Variants in SCAI observed in about 807,000 individuals in gnomAD.
The protein encoded by SCAI is protein SCAI.
SCAI carries 24 observed loss-of-function variants against 92.2 expected under a neutral mutation model. The ratio of observed to expected loss-of-function variants is 0.26; its 90% CI spans 0.19 to 0.37. The LOEUF (loss-of-function observed/expected upper bound fraction) is 0.37, where lower values mean the gene tolerates loss of function less well. SCAI is among the 10% of genes least tolerant of loss of function. SCAI has a pLI of 1.00. For missense variants in SCAI, 450 were observed against 736.2 expected (o/e 0.61, Z 4.50); for synonymous variants, 261 against 258.6 (o/e 1.01, Z -0.09).
chr9:125,007,884 C>T (rs1359023633), intron 9 of SCAI, among the ~76,000 whole-genome samples: 6 of 151,532 alleles, frequency 4.0e-5, no homozygotes, highest in African/African-American at 9.7e-5. Context: ...CTCGCTCTGT[C>T]GCCCAGGCTG....
chr9:124,983,396 C>G (rs1423025012), intron 14 of SCAI, among the ~76,000 whole-genome samples: 1 of 152,006 alleles, frequency 6.6e-6, no homozygotes, highest in Non-Finnish European at 1.5e-5. Flanking sequence ...CTCTGTTGCC[C>G]AGGCTGGAGT....
At chr9:125,108,582 G>A (rs1216555334) in intron 2 of SCAI, among the ~76,000 whole-genome samples, 1 of 144,464 alleles carries the variant, frequency 6.9e-6, no homozygotes, top group Non-Finnish European at 1.5e-5. Flanking sequence ...GAAGTGAGGA[G>A]CCCCTCCGCC....
At chr9:125,109,834 G>A (rs1236876667) in intron 2 of SCAI, among the ~76,000 whole-genome samples, 2 of 152,034 alleles carry the variant, frequency 1.3e-5, no homozygotes, top group Admixed American at 6.5e-5. Flanking sequence ...TTACAGGCAC[G>A]CACCACCACG....
intron 17 of SCAI, among the ~76,000 whole-genome samples, chr9:124,960,422 C>T (rs1407048768): frequency 2.0e-5 from 3 of 152,134 alleles, no homozygotes; most frequent in Admixed American, 6.6e-5. Context: ...GTACAACTGC[C>T]ATGTATTCAT....
intron 2 of SCAI, among the ~76,000 whole-genome samples, chr9:125,110,480 A>C (rs1458733581): frequency 6.6e-6 from 1 of 152,194 alleles, no homozygotes; most frequent in Non-Finnish European, 1.5e-5. Context: ...TTGCATCTGT[A>C]TCCCTGACCA....
chr9:125,088,820 C>G (rs753578015), intron 2 of SCAI, among the ~76,000 whole-genome samples: 1 of 151,818 alleles, frequency 6.6e-6, no homozygotes, highest in Non-Finnish European at 1.5e-5. Flanking sequence ...TTGAAAACTC[C>G]CTAACATAGA....
intron 14 of SCAI, among the ~76,000 whole-genome samples, chr9:124,989,007 C>T (rs566487943): frequency 4.6e-5 from 7 of 152,088 alleles, no homozygotes; most frequent in African/African-American, 1.7e-4. Flanking sequence ...GGTGTGGTAG[C>T]GCATGCCTGT....
chr9:124,994,572 G>A (rs1832201209), intron 14 of SCAI, among the ~76,000 whole-genome samples: 2 of 152,096 alleles, frequency 1.3e-5, no homozygotes, highest in Non-Finnish European at 2.9e-5. Context: ...GCATGAGAAG[G>A]GGAAACGTTT....
chr9:125,013,039 G>C (rs984888892), intron 9 of SCAI, among the ~76,000 whole-genome samples: 5 of 152,000 alleles, frequency 3.3e-5, no homozygotes, highest in African/African-American at 9.7e-5. Flanking sequence ...AGTGTGTAGA[G>C]GGAAATTTAT....
In SCAI at chr9:124,945,262, G is replaced by T. The variant is rs1024706703; in HGVS notation, c.*7545C>A. The T allele has an allele frequency of 1.3e-5, 2 of 152,198 alleles. No individual in the cohort carries two copies. The highest frequency in any genetic ancestry group is 1.3e-4 in the Admixed American group (2 of 15,268). The allele number at this position is 152,198 out of a possible 1,614,324, so 9.4% of individuals were successfully genotyped here. ...AAAGTAGTCTGATAACTATTAAAAAGAATTTTTTTTAGGCCGGCCACAGTG... is the reference window on the plus strand; with the variant it reads ...AAAGTAGTCTGATAACTATTAAAAATAATTTTTTTTAGGCCGGCCACAGTG... On this transcript the variant is annotated 3_prime_UTR_variant, in exon 18 of 18. Coordinates refer to ENST00000336505, the MANE Select transcript of SCAI (RefSeq NM_001144877.3).
chr9:125,003,071 G>A (rs562949065), intron 11 of SCAI, 43 bp downstream of exon 11: 50 of 1,239,612 alleles, frequency 4.0e-5, no homozygotes, highest in African/African-American at 3.9e-4. Flanking sequence ...TTTAGTTAGG[G>A]CACACTTTCA....
At position 124,952,620 on chromosome 9, in the gene SCAI, T is replaced by C. The variant is rs1564354658; in HGVS notation, c.*187A>G. On this transcript the variant is annotated 3_prime_UTR_variant, in exon 18 of 18. Transcript: ENST00000336505. ...TCCAAGGTTAAGATTTTAAAAGACCTGAAAGGTTGCATTTTAAAACAGTTA... is the reference window on the plus strand; with the variant it reads ...TCCAAGGTTAAGATTTTAAAAGACCCGAAAGGTTGCATTTTAAAACAGTTA... 1 of 492,734 alleles carries C rather than the reference T, an allele frequency of 2.0e-6. No individual in the cohort carries two copies. Among genetic ancestry groups the C allele is most frequent in the Non-Finnish European group, 3.5e-6 (1 of 285,930 alleles). 30.5% of individuals were successfully genotyped at this position (492,734 alleles called of 1,614,324 possible). A position where few individuals can be genotyped will look rare whatever the true frequency, so the allele number is the denominator to read the frequency against.
chr9:124,981,556 T>C (rs1831886641), intron 14 of SCAI, among the ~76,000 whole-genome samples: 1 of 152,240 alleles, frequency 6.6e-6, no homozygotes, highest in African/African-American at 2.4e-5. Context: ...GTGCTTTAGT[T>C]AAGAACACGT....
In SCAI at chr9:124,952,096, CAA is replaced by C. The variant is rs1235725004; in HGVS notation, c.*709_*710del. The C allele has an allele frequency of 6.6e-6, 1 of 152,124 alleles. No individual in the cohort carries two copies. The highest frequency in any genetic ancestry group is 1.9e-4 in the East Asian group (1 of 5,200). 9.4% of individuals were successfully genotyped at this position (152,124 alleles called of 1,614,324 possible). ...ACATGGTTTTTTGACTAAAATATTT[CAA>C]AGTTGTTTCCTTTTTCATTTCCAGC... On this transcript the variant is annotated 3_prime_UTR_variant, in exon 18 of 18. Transcript: ENST00000336505.
intron 14 of SCAI, among the ~76,000 whole-genome samples, chr9:124,987,369 T>C (rs1460024646): frequency 6.6e-6 from 1 of 152,152 alleles, no homozygotes; most frequent in Non-Finnish European, 1.5e-5. Context: ...AATACTACAT[T>C]ACCACAGACA....
chr9:125,012,312 G>A (rs1431026220), intron 9 of SCAI, among the ~76,000 whole-genome samples: 1 of 151,998 alleles, frequency 6.6e-6, no homozygotes, highest in African/African-American at 2.4e-5. Flanking sequence ...ACACACATAG[G>A]CTCAAAATAA....
intron 14 of SCAI, among the ~76,000 whole-genome samples, chr9:124,992,240 A>G (rs538957717): frequency 6.6e-6 from 1 of 151,704 alleles, no homozygotes; most frequent in Admixed American, 6.6e-5. Flanking sequence ...TGTGGGAAAA[A>G]TAAATATGAG....
At chr9:125,006,978 G>A (rs954727993) in intron 9 of SCAI, among the ~76,000 whole-genome samples, 14 of 152,132 alleles carry the variant, frequency 9.2e-5, no homozygotes, top group African/African-American at 3.4e-4. Context: ...AAATTAGCTG[G>A]GCGCGTAGGG....
chr9:125,055,187 A>G (rs1294913900), intron 3 of SCAI, among the ~76,000 whole-genome samples: 1 of 152,198 alleles, frequency 6.6e-6, no homozygotes, highest in Non-Finnish European at 1.5e-5. Context: ...TATCTTTACA[A>G]TCACTCCTTC....
Sources: allele counts gnomAD v4.1 joint callset (sites outside exome capture counted in the v4.1 genomes callset), GRCh38; gene constraint gnomAD v4.1.1; transcripts MANE v1.5; gene names NCBI Gene and HGNC (gene_info 2026-07-23, HGNC 2026-07-21).